Variants in AGPAT1 observed in about 807,000 individuals in gnomAD.
The protein encoded by AGPAT1 is 1-acylglycerol-3-phosphate O-acyltransferase 1.
In AGPAT1, 6 loss-of-function variants were observed where a neutral mutation model predicts 31.2. The observed-to-expected ratio is 0.19, with a 90% CI of 0.11 to 0.38. AGPAT1 has a LOEUF of 0.38. Among genes scored for constraint, AGPAT1 ranks in the 10% least tolerant of loss-of-function variants. AGPAT1 has a pLI of 1.00. For missense variants in AGPAT1, 187 were observed against 377.8 expected, an observed-to-expected ratio of 0.49 and a Z score of 4.19; for synonymous variants, 139 against 154.0, an observed-to-expected ratio of 0.90 and a Z score of 0.72.
chr6:32,172,140 C>A lies in AGPAT1; in HGVS notation c.-9-635G>T, dbSNP rs946701285. Among the ~76,000 whole-genome samples, 1 of 152,050 alleles carries A rather than the reference C, an allele frequency of 6.6e-6. No individual in the cohort carries two copies. Among genetic ancestry groups the A allele is most frequent in the Non-Finnish European group, 1.5e-5 (1 of 68,002 alleles). ...CAGCCTGACCAACATGGTGAAACCC[C>A]GTCTCTACTAAAAATACAAAAATTA... On this transcript the variant is annotated intron_variant, in intron 1 of 6. Coordinates refer to ENST00000375107, the MANE Select transcript of AGPAT1 (RefSeq NM_006411.4). This position sits in a 1 kb window ranked among gnomAD's most constrained non-coding sequence, Gnocchi z 4.3.
rs1784806564 is a variant in AGPAT1, at chr6:32,169,021, C to T, written c.*255G>A. ...CTGGAGATGAGGGGGAGGCAACTGT[C>T]CCACAGACAAGACAGTAGGAGGTGG... On this transcript the variant is annotated 3_prime_UTR_variant, in exon 7 of 7. Transcript: ENST00000375107. This position sits in a 1 kb window ranked among gnomAD's most constrained non-coding sequence, Gnocchi z 5.9. 1 of 545,636 alleles carries T rather than the reference C, an allele frequency of 1.8e-6. No individual in the cohort carries two copies. Among genetic ancestry groups the T allele is most frequent in the African/African-American group, 1.9e-5 (1 of 53,258 alleles). The allele number at this position is 545,636 out of a possible 1,614,324, so 33.8% of individuals were successfully genotyped here. A position where few individuals can be genotyped will look rare whatever the true frequency, so the allele number is the denominator to read the frequency against.
rs754889416 is a variant in AGPAT1 at position 32,170,947 on chromosome 6, G to A, written c.324C>T (p.Leu108=). The A allele has an allele frequency of 2.7e-5, 43 of 1,611,736 alleles. 1 individual carries two copies. The South Asian group carries it at 4.0e-4, about 15-fold the overall frequency. Residue 108 remains leucine, a synonymous_variant, in exon 3 of 7, where the codon CTC becomes CTT. Transcript: ENST00000375107. The surrounding 1 kb of genome is among the most constrained non-coding windows in gnomAD (Gnocchi z 7.7). The part of the protein sequence containing the change: ...YVVVSNHQSS[L]DLLGMMEVLP... ...GTGGTGGGGTCTCACCAAGCAGATC[G>A]AGAGAGCTCTGGTGGTTGGAGACAA...
chr6:32,171,520 G>A lies in AGPAT1; in HGVS notation c.-9-15C>T. 1 of 1,554,576 alleles carries A rather than the reference G, an allele frequency of 6.4e-7. No individual in the cohort carries two copies. Among genetic ancestry groups the A allele is most frequent in the African/African-American group, 1.4e-5 (1 of 73,690 alleles). ...ATTCTGGCCACCTGCAGGGGATGGG[G>A]CAAGGGACAATCAGCCTGGTTTCTG... is the stretch of plus-strand genomic sequence containing the variant. On this transcript the variant is annotated splice_polypyrimidine_tract_variant and intron_variant, in intron 1 of 6. Coordinates refer to ENST00000375107, the MANE Select transcript of AGPAT1 (RefSeq NM_006411.4). The surrounding 1 kb of genome is among the most constrained non-coding windows in gnomAD (Gnocchi z 6.9).
rs769152569 is a variant in AGPAT1, at chr6:32,171,406, T to G, written c.91A>C (p.Ser31Arg). The change falls in exon 2 of 7, where the codon AGT becomes CGT. Residue 31 changes from serine to arginine, a missense_variant. Physicochemically the swap from Ser to Arg is moderately radical, Grantham distance 110. Coordinates refer to ENST00000375107, the MANE Select transcript of AGPAT1 (RefSeq NM_006411.4). This position sits in a 1 kb window ranked among gnomAD's most constrained non-coding sequence, Gnocchi z 6.9. ...LLPTLWFCSP[S>R]AKYFFKMAFY... ...GCCATCTTGAAGAAGTACTTGGCACTGGGGCTGCAGAACCACAGGGTGGGC... is the reference window on the plus strand; with the variant it reads ...GCCATCTTGAAGAAGTACTTGGCACGGGGGCTGCAGAACCACAGGGTGGGC... The G allele has an allele frequency of 6.2e-7, 1 of 1,613,158 alleles. No individual in the cohort carries two copies. The highest frequency in any genetic ancestry group is 8.5e-7 in the Non-Finnish European group (1 of 1,180,036).
chr6:32,171,647 C>A lies in AGPAT1; in HGVS notation c.-9-142G>T. On this transcript the variant is annotated intron_variant, in intron 1 of 6. Coordinates refer to ENST00000375107, the MANE Select transcript of AGPAT1 (RefSeq NM_006411.4). The surrounding 1 kb of genome is among the most constrained non-coding windows in gnomAD (Gnocchi z 6.9). ...ACTGGGGCAGGGGTCTCATTGAAACCTTCCCAGGAAGGCTCTCTAGGATGA... is the reference window on the plus strand; with the variant it reads ...ACTGGGGCAGGGGTCTCATTGAAACATTCCCAGGAAGGCTCTCTAGGATGA... The A allele has an allele frequency of 8.6e-7, 1 of 1,167,816 alleles. No individual in the cohort carries two copies. Among genetic ancestry groups the A allele is most frequent in the South Asian group, 1.5e-5 (1 of 66,270 alleles). 72.3% of individuals were successfully genotyped at this position (1,167,816 alleles called of 1,614,324 possible).
Position 32,174,507 on chromosome 6 carries a change from T to C in AGPAT1, c.-10+1307A>G, listed in dbSNP as rs1452078220. Among the ~76,000 whole-genome samples, 2 of 152,210 alleles carry C rather than the reference T, an allele frequency of 1.3e-5. No homozygotes were observed. Among genetic ancestry groups the C allele is most frequent in the African/African-American group, 4.8e-5 (2 of 41,454 alleles). On this transcript the variant is annotated intron_variant, in intron 1 of 6. Transcript: ENST00000375107. This position sits in a 1 kb window ranked among gnomAD's most constrained non-coding sequence, Gnocchi z 4.5. The stretch of plus-strand genomic sequence containing the variant: ...GGAAAGATGCTGCTCTCATCAAATG[T>C]GTGCCAACAGTGCAAAGAATGGAGG...
In AGPAT1 at chr6:32,169,288, C is replaced by T; in HGVS notation, c.840G>A (p.Gly280=). 1 of 1,612,826 alleles carries T rather than the reference C, an allele frequency of 6.2e-7. No homozygotes were observed. The highest frequency in any genetic ancestry group is 2.2e-5 in the East Asian group (1 of 44,870). ...TCAGAGCCAGGGTTCACCCACCGCC[C>T]CCAGGCTTCTTCAGATAGTCACCAC... The part of the protein sequence containing the change: ...RGGGDYLKKP[G]GGG Residue 280 remains glycine, a synonymous_variant, in exon 7 of 7, where the codon GGG becomes GGA. Coordinates refer to ENST00000375107, the MANE Select transcript of AGPAT1 (RefSeq NM_006411.4). This position sits in a 1 kb window ranked among gnomAD's most constrained non-coding sequence, Gnocchi z 5.9.
chr6:32,168,770 T>G lies in AGPAT1; in HGVS notation c.*506A>C, dbSNP rs1061808. The G allele has an allele frequency of 0.64, 99,155 of 155,158 alleles. 31,887 individuals are homozygous for G. The highest frequency in any genetic ancestry group is 0.76 in the Middle Eastern group (225 of 296). 9.6% of individuals were successfully genotyped at this position (155,158 alleles called of 1,614,324 possible). A position where few individuals can be genotyped will look rare whatever the true frequency, so the allele number is the denominator to read the frequency against. ...GTGAAGGTGCTGAGGAAAGCTCCCA[T>G]GATGAGCCTGGGAGTGCTTCAGGTA... On this transcript the variant is annotated 3_prime_UTR_variant, in exon 7 of 7. Coordinates refer to ENST00000375107, the MANE Select transcript of AGPAT1 (RefSeq NM_006411.4). This position sits in a 1 kb window ranked among gnomAD's most constrained non-coding sequence, Gnocchi z 4.5.
At chr6:32,176,571 T>C (rs376512382), upstream of AGPAT1, 7 of 980,114 alleles carry the variant, frequency 7.1e-6, no homozygotes, top group African/African-American at 1.2e-4. Flanking sequence ...TCTCACTCCA[T>C]CTCACTCTCC....
rs989254454 is a variant in AGPAT1 at position 32,173,491 on chromosome 6, CAG to C, written c.-9-1988_-9-1987del. Reference sequence around the variant, plus strand: ...CAATCCATCTTCCACGTAGCAACCACAGAGATTTTTCTGTTAGCACAGATTTT... The same window carrying C: ...CAATCCATCTTCCACGTAGCAACCACAGATTTTTCTGTTAGCACAGATTTT... On this transcript the variant is annotated intron_variant, in intron 1 of 6. Coordinates refer to ENST00000375107, the MANE Select transcript of AGPAT1 (RefSeq NM_006411.4). The surrounding 1 kb of genome is among the most constrained non-coding windows in gnomAD (Gnocchi z 4.7). Among the ~76,000 whole-genome samples, 1 of 152,234 alleles carries C rather than the reference CAG, an allele frequency of 6.6e-6. No homozygotes were observed. The highest frequency in any genetic ancestry group is 2.4e-5 in the African/African-American group (1 of 41,452).
At position 32,169,541 on chromosome 6, in the gene AGPAT1, T is replaced by A; in HGVS notation, c.680-93A>T. ...CCGAGTGATACTCTTCCTCAACCTT[T>A]CAGTTCTCTTCCCCCAACCCTGGAC... On this transcript the variant is annotated intron_variant, in intron 6 of 6. Transcript: ENST00000375107. This position sits in a 1 kb window ranked among gnomAD's most constrained non-coding sequence, Gnocchi z 5.9. 2.1e-6 allele frequency: 3 copies of A among 1,459,742 alleles called. No homozygotes were observed. Among genetic ancestry groups the A allele is most frequent in the Non-Finnish European group, 2.8e-6 (3 of 1,073,252 alleles). The allele number at this position is 1,459,742 out of a possible 1,614,324, so 90.4% of individuals were successfully genotyped here.
At position 32,173,881 on chromosome 6, in the gene AGPAT1, G is replaced by A. The variant is rs1361638241; in HGVS notation, c.-10+1933C>T. Among the ~76,000 whole-genome samples the A allele has an allele frequency of 6.6e-6, 1 of 152,178 alleles. No homozygotes were observed. Among genetic ancestry groups the A allele is most frequent in the Non-Finnish European group, 1.5e-5 (1 of 68,022 alleles). On this transcript the variant is annotated intron_variant, in intron 1 of 6. Transcript: ENST00000375107. The surrounding 1 kb of genome is among the most constrained non-coding windows in gnomAD (Gnocchi z 4.7). Reference sequence around the variant, plus strand: ...ACTGAATCAGAAATTCTGGGCATTAGGTCCAGCAATCTGTTTTTCTTTTTC... The same window carrying A: ...ACTGAATCAGAAATTCTGGGCATTAAGTCCAGCAATCTGTTTTTCTTTTTC...
In AGPAT1 at chr6:32,169,517, C is replaced by T. The variant is rs1169601164; in HGVS notation, c.680-69G>A. ...TTGCCCACAGGTGGGGCCCAGCTTC[C>T]GAGTGATACTCTTCCTCAACCTTTC... On this transcript the variant is annotated intron_variant, in intron 6 of 6. Transcript: ENST00000375107. The surrounding 1 kb of genome is among the most constrained non-coding windows in gnomAD (Gnocchi z 5.9). 9 of 1,558,974 alleles carry T rather than the reference C, an allele frequency of 5.8e-6. No individual in the cohort carries two copies. Among genetic ancestry groups the T allele is most frequent in the Non-Finnish European group, 7.9e-6 (9 of 1,142,726 alleles).
chr6:32,176,132 C>A (rs1370146069), upstream of AGPAT1: 5 of 985,534 alleles, frequency 5.1e-6, no homozygotes, highest in East Asian at 4.5e-4. Flanking sequence ...CGGGGCCGGC[C>A]AGGAAGTGGA....
rs1022994190 is a variant in AGPAT1, at chr6:32,176,020, C to T, written c.-216G>A. The T allele has an allele frequency of 2.9e-5, 29 of 984,848 alleles. No individual in the cohort carries two copies. The highest frequency in any genetic ancestry group is 3.3e-5 in the Non-Finnish European group (27 of 829,714). 61.0% of individuals were successfully genotyped at this position (984,848 alleles called of 1,614,324 possible). A position where few individuals can be genotyped will look rare whatever the true frequency, so the allele number is the denominator to read the frequency against. On this transcript the variant is annotated 5_prime_UTR_variant, in exon 1 of 7. Transcript: ENST00000375107. ...GCGGTAGGAATGGTGGGGGGCTGTC[C>T]CCCCAGCACCCTCCCTCCCTCCCTT...
chr6:32,177,463 G>A, upstream of AGPAT1: 1 of 196,586 alleles, frequency 5.1e-6, no homozygotes, highest in Non-Finnish European at 1.0e-5. Flanking sequence ...TTAAAACGGA[G>A]TTGAAGTCAA....
rs1437687620 is a variant in AGPAT1 at position 32,169,712 on chromosome 6, A to G, written c.679+254T>C. 6.6e-6 allele frequency among the ~76,000 whole-genome samples: 1 copy of G among 151,898 alleles called. No homozygotes were observed. Among genetic ancestry groups the G allele is most frequent in the Non-Finnish European group, 1.5e-5 (1 of 67,996 alleles). The stretch of plus-strand genomic sequence containing the variant: ...ATTTACTGCTGAATGAGTGTTATTC[A>G]TTACAGCTTTGTGCACACAGGCCTT... On this transcript the variant is annotated intron_variant, in intron 6 of 6. Transcript: ENST00000375107. The surrounding 1 kb of genome is among the most constrained non-coding windows in gnomAD (Gnocchi z 5.9).
chr6:32,175,713 C>A lies in AGPAT1; in HGVS notation c.-10+101G>T, dbSNP rs1785481232. 1.7e-6 allele frequency: 1 copy of A among 585,356 alleles called. No individual in the cohort carries two copies. Among genetic ancestry groups the A allele is most frequent in the Non-Finnish European group, 2.2e-6 (1 of 464,216 alleles). The allele number at this position is 585,356 out of a possible 1,614,324, so 36.3% of individuals were successfully genotyped here. ...CCTCTCCTTTCCCCAGCAACCCTCTCCCCCAGTCGGCCCTCCCAGACCCAA... is the reference window on the plus strand; with the variant it reads ...CCTCTCCTTTCCCCAGCAACCCTCTACCCCAGTCGGCCCTCCCAGACCCAA... On this transcript the variant is annotated intron_variant, in intron 1 of 6. Transcript: ENST00000375107. The surrounding 1 kb of genome is among the most constrained non-coding windows in gnomAD (Gnocchi z 4.5).
In AGPAT1 at chr6:32,171,486, C is replaced by A; in HGVS notation, c.11G>T (p.Trp4Leu). 1 of 1,593,954 alleles carries A rather than the reference C, an allele frequency of 6.3e-7. No individual in the cohort carries two copies. The highest frequency in any genetic ancestry group is 8.5e-7 in the Non-Finnish European group (1 of 1,171,550). Residue 4 changes from tryptophan to leucine, a missense_variant, in exon 2 of 7, where the codon TGG becomes TTG. Physicochemically the swap from Trp to Leu is moderately conservative, Grantham distance 61. Around this residue, in one of 3 missense-constraint regions of AGPAT1, gnomAD observed 45 missense variants for 60.9 expected, o/e 0.74. Coordinates refer to ENST00000375107, the MANE Select transcript of AGPAT1 (RefSeq NM_006411.4). This position sits in a 1 kb window ranked among gnomAD's most constrained non-coding sequence, Gnocchi z 6.9. MDL[W>L]PGAWMLLLLL... ...CAGCAGCAGCATCCATGCCCCTGGCCACAAATCCATTCTGGCCACCTGCAG... is the reference window on the plus strand; with the variant it reads ...CAGCAGCAGCATCCATGCCCCTGGCAACAAATCCATTCTGGCCACCTGCAG...
Sources: allele counts gnomAD v4.1 joint callset (sites outside exome capture counted in the v4.1 genomes callset), GRCh38; gene constraint gnomAD v4.1.1; regional missense constraint gnomAD v4.1.1; non-coding constraint Gnocchi (gnomAD v3.1); transcripts MANE v1.5; gene names NCBI Gene and HGNC (gene_info 2026-07-23, HGNC 2026-07-21).